Variants in AUTS2 observed in about 807,000 individuals in gnomAD.
AUTS2 encodes the protein autism susceptibility gene 2 protein.
Under a neutral mutation model 112.4 loss-of-function variants are expected in AUTS2, and 17 were observed. The observed-to-expected ratio is 0.15, with a 90% confidence interval of 0.10 to 0.23. AUTS2 has a LOEUF of 0.23. Among genes scored for constraint, AUTS2 ranks in the 10% least tolerant of loss-of-function variants. AUTS2 has a pLI of 1.00. For missense variants in AUTS2, 1,510 were observed against 1,701.6 expected (o/e 0.89, Z 1.98); for synonymous variants, 751 against 702.7 (o/e 1.07, Z -1.09).
chr7:70,440,227 A>T (rs979710503), intron 5 of AUTS2, among the ~76,000 whole-genome samples: 2 of 113,026 alleles, frequency 1.8e-5, no homozygotes, highest in African/African-American at 4.7e-5. Flanking sequence ...CCCTGTCTCT[A>T]AAAAAAAAAA....
intron 1 of AUTS2, among the ~76,000 whole-genome samples, chr7:69,794,780 A>T (rs1789767335): frequency 6.6e-6 from 1 of 152,050 alleles, no homozygotes; most frequent in Non-Finnish European, 1.5e-5. Context: ...TATCAAGGTT[A>T]CCTGTTATTA....
At chr7:69,914,253 A>G (rs1015823703) in intron 2 of AUTS2, among the ~76,000 whole-genome samples, 1 of 151,736 alleles carries the variant, frequency 6.6e-6, no homozygotes, top group Non-Finnish European at 1.5e-5. Flanking sequence ...GGTTTGAATA[A>G]TTTTTGCAAT....
chr7:70,191,225 T>C (rs1473752663), intron 4 of AUTS2, among the ~76,000 whole-genome samples: 1 of 141,076 alleles, frequency 7.1e-6, no homozygotes, highest in Non-Finnish European at 1.5e-5. Context: ...TGGAGTGCAG[T>C]GGCGCAATCT....
At chr7:69,723,031 A>ATT (rs1799046042) in intron 1 of AUTS2, among the ~76,000 whole-genome samples, 1 of 152,086 alleles carries the variant, frequency 6.6e-6, no homozygotes, top group African/African-American at 2.4e-5. Flanking sequence ...AGAACTGTTC[A>ATT]GAAGCAAGAG....
intron 2 of AUTS2, among the ~76,000 whole-genome samples, chr7:70,036,590 C>T (rs1204256523): frequency 6.6e-6 from 1 of 152,202 alleles, no homozygotes; most frequent in Admixed American, 6.5e-5. Context: ...ATTTGCTCAC[C>T]TCTTCTTCTC....
At chr7:69,753,858 GT>G in intron 1 of AUTS2, among the ~76,000 whole-genome samples, 1 of 152,292 alleles carries the variant, frequency 6.6e-6, no homozygotes, top group East Asian at 1.9e-4. Flanking sequence ...TGAGGTTCAG[GT>G]TCTCAGACCA....
chr7:69,623,327 G>T (rs530247780), intron 1 of AUTS2, among the ~76,000 whole-genome samples: 2 of 149,194 alleles, frequency 1.3e-5, no homozygotes. Context: ...GGCTCAAGCA[G>T]TTCTCCTGCC....
At chr7:69,659,464 T>TC (rs1331074964) in intron 1 of AUTS2, among the ~76,000 whole-genome samples, 2 of 151,890 alleles carry the variant, frequency 1.3e-5, no homozygotes, top group Non-Finnish European at 2.9e-5. Flanking sequence ...TTTTTTTTTT[T>TC]TTTCAAAACG....
intron 5 of AUTS2, among the ~76,000 whole-genome samples, chr7:70,579,806 A>G (rs1426560194): frequency 6.6e-6 from 1 of 152,122 alleles, no homozygotes; most frequent in Non-Finnish European, 1.5e-5. Flanking sequence ...TCTTGAGGAG[A>G]GGTTTTTGGA....
intron 5 of AUTS2, chr7:70,595,998 A>T: frequency 6.6e-6 from 1 of 152,152 alleles, no homozygotes; most frequent in Non-Finnish European, 1.5e-5. Context: ...TTGCCGCCGC[A>T]ACCCGCGCAG....
intron 4 of AUTS2, among the ~76,000 whole-genome samples, chr7:70,176,974 T>A (rs562367072): frequency 6.6e-6 from 1 of 152,328 alleles, no homozygotes; most frequent in East Asian, 1.9e-4. Context: ...AAAAAGTATA[T>A]TAGCAAGTTA....
intron 4 of AUTS2, among the ~76,000 whole-genome samples, chr7:70,180,763 C>T (rs1384349222): frequency 6.6e-6 from 1 of 152,172 alleles, no homozygotes; most frequent in Non-Finnish European, 1.5e-5. Flanking sequence ...TCAGGTCTAA[C>T]ATGTCCCCTT....
At position 69,797,956 on chromosome 7, in the gene AUTS2, C is replaced by T. The variant is rs1459927497; in HGVS notation, c.310-101330C>T. On this transcript the variant is annotated intron_variant, in intron 1 of 18. Coordinates refer to ENST00000342771, the MANE Select transcript of AUTS2 (RefSeq NM_015570.4). Reference sequence around the variant, plus strand: ...AGTGAGAGCATCACACTCTGGGGATCAGGTAACTTGGCTATGCTACTGGGC... The same window carrying T: ...AGTGAGAGCATCACACTCTGGGGATTAGGTAACTTGGCTATGCTACTGGGC... Among the ~76,000 whole-genome samples, 3 of 152,158 alleles carry T rather than the reference C, an allele frequency of 2.0e-5. No homozygotes were observed. The East Asian group carries it at 5.8e-4, about 29-fold the overall frequency.
At chr7:70,374,316 T>A (rs1792983118) in intron 4 of AUTS2, among the ~76,000 whole-genome samples, 1 of 152,210 alleles carries the variant, frequency 6.6e-6, no homozygotes, top group Non-Finnish European at 1.5e-5. Context: ...AATTATTGAA[T>A]TTTTTGCCTT....
Position 70,789,970 on chromosome 7 carries a change from G to C in AUTS2, c.2754G>C (p.Glu918Asp). 1.9e-6 allele frequency: 3 copies of C among 1,612,968 alleles called. No individual in the cohort carries two copies. The highest frequency in any genetic ancestry group is 2.5e-6 in the Non-Finnish European group (3 of 1,179,642). ...AGGCGAAAGAGGGCCACCTGCCCGA[G>C]AAGGACGGGCACGGCCACGAGGGGC... is the stretch of plus-strand genomic sequence containing the variant. ...EHKAKEGHLPEKDGHGHEGRA... is the reference protein window; with the variant it reads ...EHKAKEGHLPDKDGHGHEGRA... The change falls in exon 19 of 19, where the codon GAG (glutamate) becomes GAC (aspartate). Residue 918 changes from glutamate (E) to aspartate (D), a missense_variant. Transcript: ENST00000342771.
At chr7:69,974,412 A>G (rs908110725) in intron 2 of AUTS2, among the ~76,000 whole-genome samples, 5 of 150,896 alleles carry the variant, frequency 3.3e-5, no homozygotes, top group Non-Finnish European at 7.4e-5. Flanking sequence ...CCTGTTTTCA[A>G]CTTATTTTTT....
intron 2 of AUTS2, among the ~76,000 whole-genome samples, chr7:70,028,800 C>T (rs181664569): frequency 6.6e-6 from 1 of 152,290 alleles, no homozygotes; most frequent in African/African-American, 2.4e-5. Flanking sequence ...TAACCTACTT[C>T]CCCTTTCACA....
chr7:70,174,747 C>T (rs556749411), intron 4 of AUTS2, among the ~76,000 whole-genome samples: 5 of 152,190 alleles, frequency 3.3e-5, no homozygotes, highest in South Asian at 4.2e-4. Flanking sequence ...CATCTGTTTA[C>T]GACATGGTTT....
chr7:70,061,281 T>C (rs1802234053), intron 2 of AUTS2, among the ~76,000 whole-genome samples: 1 of 152,208 alleles, frequency 6.6e-6, no homozygotes, highest in Non-Finnish European at 1.5e-5. Context: ...CTGCCTGGCA[T>C]ACATGGAAGG....
Sources: allele counts gnomAD v4.1 joint callset (sites outside exome capture counted in the v4.1 genomes callset), GRCh38; gene constraint gnomAD v4.1.1; transcripts MANE v1.5; gene names NCBI Gene and HGNC (gene_info 2026-07-23, HGNC 2026-07-21).